Variants in SLC35F1 observed in about 807,000 individuals in gnomAD.
The protein encoded by SLC35F1 is chromosome 6 open reading frame 169.
In SLC35F1, 14 loss-of-function variants were observed where a neutral mutation model predicts 48.7. That is an observed-to-expected ratio of 0.29 (90% confidence interval 0.19 to 0.45). The LOEUF is 0.45. Among genes scored for constraint, SLC35F1 ranks in the 20% least tolerant of loss-of-function variants. The pLI, the probability that SLC35F1 is intolerant of heterozygous loss-of-function variation, is 1.00. For missense variants in SLC35F1, 404 were observed against 500.0 expected, an observed-to-expected ratio of 0.81 and a Z score of 1.83; for synonymous variants, 190 against 202.2, an observed-to-expected ratio of 0.94 and a Z score of 0.51.
chr6:118,279,923 A>G (rs770512761), intron 6 of SLC35F1, among the ~76,000 whole-genome samples: 54 of 152,228 alleles, frequency 3.5e-4, no homozygotes, highest in Non-Finnish European at 1.5e-4. Flanking sequence ...CCATTTTATC[A>G]AAGTGGAAAG....
At chr6:117,917,754 C>T (rs565385301) in intron 1 of SLC35F1, among the ~76,000 whole-genome samples, 3 of 151,036 alleles carry the variant, frequency 2.0e-5, no homozygotes, top group South Asian at 2.1e-4. Context: ...GGGGAGAAGT[C>T]GGAGTGTGGA....
chr6:118,159,848 A>T (rs1319750252), intron 2 of SLC35F1, among the ~76,000 whole-genome samples: 1 of 152,184 alleles, frequency 6.6e-6, no homozygotes, highest in Non-Finnish European at 1.5e-5. Context: ...CTACCTTTAA[A>T]TTTTTAAATA....
intron 2 of SLC35F1, among the ~76,000 whole-genome samples, chr6:118,228,318 T>TAAAAGTTTAGGA (rs1775245556): frequency 1.3e-5 from 2 of 152,072 alleles, no homozygotes; most frequent in Admixed American, 1.3e-4. Context: ...AATGGAATAG[T>TAAAAGTTTAGGA]TTTAAACTCT....
intron 4 of SLC35F1, among the ~76,000 whole-genome samples, chr6:118,272,128 T>C (rs1448255173): frequency 6.6e-6 from 1 of 152,208 alleles, no homozygotes; most frequent in Non-Finnish European, 1.5e-5. Context: ...TGAGAATGTA[T>C]AATGCTGCAG....
At chr6:117,984,429 G>T (rs1160228518) in intron 1 of SLC35F1, among the ~76,000 whole-genome samples, 3 of 150,804 alleles carry the variant, frequency 2.0e-5, no homozygotes, top group Non-Finnish European at 4.4e-5. Context: ...AACCTCGGAG[G>T]CCGAGCTTGT....
intron 1 of SLC35F1, among the ~76,000 whole-genome samples, chr6:117,908,528 G>T (rs1582555412): frequency 2.6e-5 from 4 of 152,318 alleles, no homozygotes. Context: ...GCAAAACATT[G>T]CGGGCAGGGT....
intron 1 of SLC35F1, among the ~76,000 whole-genome samples, chr6:118,080,062 C>T (rs1051325777): frequency 6.6e-6 from 1 of 152,202 alleles, no homozygotes; most frequent in Admixed American, 6.5e-5. Context: ...TGTTACCTCA[C>T]TGAACATTAA....
intron 7 of SLC35F1, among the ~76,000 whole-genome samples, chr6:118,290,208 G>GT (rs140936569): frequency 0.011 from 1,638 of 146,114 alleles, 15 homozygotes; most frequent in Middle Eastern, 0.017. Context: ...ATATTTCAGT[G>GT]TTTTTTTTTT....
chr6:118,057,789 C>A (rs747437814), intron 1 of SLC35F1, among the ~76,000 whole-genome samples: 5 of 152,122 alleles, frequency 3.3e-5, no homozygotes, highest in Non-Finnish European at 7.4e-5. Context: ...ATAGGAAAAT[C>A]TTTGAGAAAT....
intron 1 of SLC35F1, among the ~76,000 whole-genome samples, chr6:118,144,600 A>AAT (rs1773943452): frequency 7.2e-6 from 1 of 138,986 alleles, no homozygotes; most frequent in Non-Finnish European, 1.6e-5. Context: ...AAAAAAAAAA[A>AAT]ATTGAAAATG....
intron 1 of SLC35F1, among the ~76,000 whole-genome samples, chr6:117,994,132 G>T (rs577228118): frequency 3.2e-4 from 48 of 152,134 alleles, no homozygotes; most frequent in African/African-American, 1.2e-3. Flanking sequence ...TCAGGTCCCT[G>T]TTTCCTTGCT....
At chr6:118,162,589 G>A (rs752358077) in intron 2 of SLC35F1, among the ~76,000 whole-genome samples, 7 of 152,074 alleles carry the variant, frequency 4.6e-5, no homozygotes, top group East Asian at 1.9e-4. Flanking sequence ...ACTATAACTC[G>A]GCCGTTACCA....
At chr6:118,226,641 T>C (rs1485002884) in intron 2 of SLC35F1, among the ~76,000 whole-genome samples, 2 of 152,172 alleles carry the variant, frequency 1.3e-5, no homozygotes, top group African/African-American at 4.8e-5. Context: ...CACTCATACA[T>C]GGAACCTCAA....
intron 1 of SLC35F1, among the ~76,000 whole-genome samples, chr6:118,074,327 A>G (rs1056729722): frequency 8.5e-5 from 13 of 152,164 alleles, no homozygotes; most frequent in African/African-American, 3.1e-4. Context: ...CAATGTTTTT[A>G]TGTTCCCAGC....
chr6:118,285,827 A>G (rs1167709604), intron 7 of SLC35F1, among the ~76,000 whole-genome samples: 3 of 152,188 alleles, frequency 2.0e-5, no homozygotes, highest in Non-Finnish European at 4.4e-5. Context: ...TTTTTTTACT[A>G]AAAGATTGGG....
intron 1 of SLC35F1, among the ~76,000 whole-genome samples, chr6:118,004,453 C>A (rs549247023): frequency 1.3e-5 from 2 of 152,254 alleles, no homozygotes; most frequent in East Asian, 1.9e-4. Flanking sequence ...ATGTACTAAC[C>A]ATTGTTTTGG....
intron 3 of SLC35F1, among the ~76,000 whole-genome samples, chr6:118,242,781 A>C (rs1011098322): frequency 6.6e-6 from 1 of 152,228 alleles, no homozygotes; most frequent in African/African-American, 2.4e-5. Context: ...CTGTGAAATA[A>C]GAAGAAAGTG....
intron 1 of SLC35F1, among the ~76,000 whole-genome samples, chr6:118,015,419 A>C (rs1000982347): frequency 6.6e-6 from 1 of 151,620 alleles, no homozygotes; most frequent in African/African-American, 2.4e-5. Flanking sequence ...CCCAATAGTT[A>C]TTTTTTCTGC....
chr6:117,922,758 G>A (rs1457494766), intron 1 of SLC35F1, among the ~76,000 whole-genome samples: 1 of 152,164 alleles, frequency 6.6e-6, no homozygotes, highest in Admixed American at 6.5e-5. Flanking sequence ...CTTTCATTAT[G>A]TGGGATAATT....
Sources: gnomAD v4.1 joint callset for allele counts (sites outside exome capture counted in the v4.1 genomes callset) on GRCh38, gnomAD v4.1.1 for gene constraint, MANE v1.5 for transcripts, NCBI Gene and HGNC (gene_info 2026-07-23, HGNC 2026-07-21) for gene names.